The following CCNE2 variants were observed in gnomAD, a reference collection of about 807,000 sequenced individuals.
CCNE2 encodes cyclin E2.
CCNE2 carries 18 observed loss-of-function variants against 56.8 expected under a neutral mutation model. The observed-to-expected ratio is 0.32, with a 90% CI of 0.22 to 0.47. The LOEUF is 0.47. Among genes scored for constraint, CCNE2 ranks in the 20% least tolerant of loss-of-function variants. The pLI is 1.00. For synonymous variants in CCNE2, 139 were observed against 149.2 expected, an observed-to-expected ratio of 0.93 and a Z score of 0.50; for missense variants, 371 against 467.1, an observed-to-expected ratio of 0.79 and a Z score of 1.90.
chr8:94,894,189 C>T lies in CCNE2; in HGVS notation c.14+19G>A, dbSNP rs777065387. On this transcript the variant is annotated intron_variant, in intron 2 of 11. Coordinates refer to ENST00000308108, the MANE Select transcript of CCNE2 (RefSeq NM_057749.3). ...GCAGCAACTAATTTGAAACATGTCT[C>T]TAAGACAGATAATGTTACCTTCGTC... 5 of 1,613,940 alleles carry T rather than the reference C, an allele frequency of 3.1e-6. No individual in the cohort carries two copies. The African/African-American group carries it at 4.0e-5, about 13-fold the overall frequency.
rs552132481 is a variant in CCNE2, at chr8:94,890,131, C to G, written c.453+284G>C. The stretch of plus-strand genomic sequence containing the variant: ...AACCTAATCAACTATACATTCCATT[C>G]ACCTTGAGTATCTGTGGCACCCAGA... On this transcript the variant is annotated intron_variant, in intron 6 of 11. Coordinates refer to ENST00000308108, the MANE Select transcript of CCNE2 (RefSeq NM_057749.3). 3.9e-5 allele frequency among the ~76,000 whole-genome samples: 6 copies of G among 152,304 alleles called. No individual in the cohort carries two copies. In the East Asian group the frequency reaches 9.6e-4, roughly 24 times the overall value.
chr8:94,882,951 T>C lies in CCNE2; in HGVS notation c.832-59A>G, dbSNP rs1006603307. The C allele has an allele frequency of 7.8e-6, 9 of 1,148,978 alleles. No individual in the cohort carries two copies. In the African/African-American group the frequency reaches 1.1e-4, roughly 14 times the overall value. The allele number at this position is 1,148,978 out of a possible 1,614,324, so 71.2% of individuals were successfully genotyped here. A position where few individuals can be genotyped will look rare whatever the true frequency, so the allele number is the denominator to read the frequency against. On this transcript the variant is annotated intron_variant, in intron 9 of 11. Transcript: ENST00000308108. Reference sequence around the variant, plus strand: ...GAGAAAGATGAGTACTAAATGTCTCTTGCTAAAACCTTAGGGATCTAGAGA... The same window carrying C: ...GAGAAAGATGAGTACTAAATGTCTCCTGCTAAAACCTTAGGGATCTAGAGA...
In CCNE2 at chr8:94,880,345, T is replaced by C; in HGVS notation, c.*1287A>G. 2 of 574,218 alleles carry C rather than the reference T, an allele frequency of 3.5e-6. No homozygotes were observed. The highest frequency in any genetic ancestry group is 5.2e-5 in the South Asian group (2 of 38,266). 35.6% of individuals were successfully genotyped at this position (574,218 alleles called of 1,614,324 possible). ...GTACACAATTAGTGGTGTTTTCTTT[T>C]CAGACAAAATACTGAAACAAATATT... On this transcript the variant is annotated 3_prime_UTR_variant, in exon 12 of 12. Transcript: ENST00000308108.
Position 94,881,504 on chromosome 8 carries a change from G to C in CCNE2, c.*128C>G. ...AATTGTAAGTTTTAAAATCAGAATG[G>C]CAGTGTAACTTGTGAATTGGCTAGG... On this transcript the variant is annotated 3_prime_UTR_variant, in exon 12 of 12. Coordinates refer to ENST00000308108, the MANE Select transcript of CCNE2 (RefSeq NM_057749.3). The C allele has an allele frequency of 2.6e-6, 2 of 781,796 alleles. No homozygotes were observed. Among genetic ancestry groups the C allele is most frequent in the Non-Finnish European group, 4.1e-6 (2 of 491,308 alleles). 48.4% of individuals were successfully genotyped at this position (781,796 alleles called of 1,614,324 possible). A position where few individuals can be genotyped will look rare whatever the true frequency, so the allele number is the denominator to read the frequency against.
chr8:94,880,660 G>A lies in CCNE2; in HGVS notation c.*972C>T. ...AAGAAAATAGAAGTTTAGGTCAAGT[G>A]TTAAGCTTTATCACTTTGACACTGT... is the stretch of plus-strand genomic sequence containing the variant. On this transcript the variant is annotated 3_prime_UTR_variant, in exon 12 of 12. Coordinates refer to ENST00000308108, the MANE Select transcript of CCNE2 (RefSeq NM_057749.3). 1 of 390,752 alleles carries A rather than the reference G, an allele frequency of 2.6e-6. No individual in the cohort carries two copies. Among genetic ancestry groups the A allele is most frequent in the South Asian group, 1.4e-4 (1 of 6,958 alleles). 24.2% of individuals were successfully genotyped at this position (390,752 alleles called of 1,614,324 possible). A position where few individuals can be genotyped will look rare whatever the true frequency, so the allele number is the denominator to read the frequency against.
intron 6 of CCNE2, 45 bp from the exon 7 acceptor site, chr8:94,888,118 C>A: frequency 7.3e-7 from 1 of 1,376,190 alleles, no homozygotes; most frequent in South Asian, 1.4e-5. Context: ...CTGAATTTCT[C>A]CAAATTAGAA....
chr8:94,894,052 T>C lies in CCNE2; in HGVS notation c.82A>G (p.Ile28Val). The change falls in exon 3 of 12, where the codon ATC becomes GTC. Residue 28 changes from isoleucine (I) to valine (V), a missense_variant. Transcript: ENST00000308108. The stretch of plus-strand genomic sequence containing the variant: ...GTAGTTTTCCTCTTCTTGGCCTGGA[T>C]TATCTGGGCTTCTTGGGGGGATTCC... ...QTESPQEAQI[I>V]QAKKRKTTQD... 1 of 1,613,796 alleles carries C rather than the reference T, an allele frequency of 6.2e-7. No homozygotes were observed. The highest frequency in any genetic ancestry group is 8.5e-7 in the Non-Finnish European group (1 of 1,179,856).
Position 94,893,866 on chromosome 8 carries a change from C to T in CCNE2, c.165+25G>A, listed in dbSNP as rs186581687. On this transcript the variant is annotated intron_variant, in intron 4 of 11. Transcript: ENST00000308108. ...ATCTATCCTCCATTTTTCCCCCAAA[C>T]CCACCCAGCCCAGTTCTGCATTACC... The T allele has an allele frequency of 2.5e-4, 311 of 1,238,598 alleles. No homozygotes were observed. In the African/African-American group the frequency reaches 3.5e-3, roughly 14 times the overall value. 76.7% of individuals were successfully genotyped at this position (1,238,598 alleles called of 1,614,324 possible).
chr8:94,896,313 G>T, upstream of CCNE2: 1 of 147,662 alleles, frequency 6.8e-6, no homozygotes, highest in South Asian at 1.9e-4. Flanking sequence ...CGCGCGAGCC[G>T]GCAGCGCGGG....
At position 94,893,938 on chromosome 8, in the gene CCNE2, T is replaced by G. The variant is rs745748458; in HGVS notation, c.118A>C (p.Lys40Gln). 6.2e-7 allele frequency: 1 copy of G among 1,614,176 alleles called. No homozygotes were observed. The highest frequency in any genetic ancestry group is 8.5e-7 in the Non-Finnish European group (1 of 1,180,018). ...TTGGTGACCTCCTCTCTTCTTTTTTTGACATCCTGGAAAATAGAAAAGACC... is the reference window on the plus strand; with the variant it reads ...TTGGTGACCTCCTCTCTTCTTTTTTGGACATCCTGGAAAATAGAAAAGACC... ...AKKRKTTQDV[K>Q]KRREEVTKKH... Residue 40 changes from lysine (K) to glutamine (Q), a missense_variant, in exon 4 of 12, where the codon AAA becomes CAA. Coordinates refer to ENST00000308108, the MANE Select transcript of CCNE2 (RefSeq NM_057749.3).
At chr8:94,893,861 C>T in intron 4 of CCNE2, 30 bp downstream of exon 4, 1 of 1,596,642 alleles carries the variant, frequency 6.3e-7, no homozygotes, top group Non-Finnish European at 8.6e-7. Flanking sequence ...CATTTTTCCC[C>T]CAAACCCACC....
chr8:94,896,254 G>T (rs1446210210), upstream of CCNE2, among the ~76,000 whole-genome samples: 6 of 148,028 alleles, frequency 4.1e-5, no homozygotes, highest in Non-Finnish European at 9.1e-5. Context: ...CCCCGGGCCC[G>T]CCTGCCGCGC....
chr8:94,892,174 G>A (rs1452665268), intron 5 of CCNE2: 2 of 475,040 alleles, frequency 4.2e-6, no homozygotes, highest in Admixed American at 5.1e-5. Context: ...ATACAAAAAA[G>A]TTAAACACAT....
intron 6 of CCNE2, 147 bp downstream of exon 6, chr8:94,890,268 G>C (rs1255253479): frequency 9.0e-6 from 5 of 558,316 alleles, no homozygotes. Flanking sequence ...TTCCACTTTG[G>C]GTGCAATCAA....
intron 7 of CCNE2, 149 bp downstream of exon 7, chr8:94,887,778 G>T: frequency 2.0e-6 from 1 of 487,850 alleles, no homozygotes; most frequent in Non-Finnish European, 3.6e-6. Context: ...ATTCATCCCT[G>T]TGGTAATGTT....
chr8:94,885,938 C>G (rs571981643), intron 7 of CCNE2, among the ~76,000 whole-genome samples: 1 of 152,110 alleles, frequency 6.6e-6, no homozygotes, highest in African/African-American at 2.4e-5. Flanking sequence ...AGATTGGTCT[C>G]AAACTCCTGA....
intron 9 of CCNE2, 33 bp from the exon 10 acceptor site, chr8:94,882,925 GGA>G (rs751523851): frequency 7.4e-7 from 1 of 1,353,618 alleles, no homozygotes; most frequent in South Asian, 1.2e-5. Context: ...AAGCAATTTA[GGA>G]GAAAGATGAG....
chr8:94,896,330 C>G (rs1302257438), upstream of CCNE2: 1 of 150,210 alleles, frequency 6.7e-6, no homozygotes, highest in Admixed American at 6.7e-5. Context: ...CGGGAGGGCG[C>G]CGTTCGCGCC....
rs1817294244 is a variant in CCNE2 at position 94,892,825 on chromosome 8, C to A, written c.310G>T (p.Asp104Tyr). 16 of 1,397,396 alleles carry A rather than the reference C, an allele frequency of 1.1e-5. No individual in the cohort carries two copies. The highest frequency in any genetic ancestry group is 1.5e-5 in the African/African-American group (1 of 66,868). 86.6% of individuals were successfully genotyped at this position (1,397,396 alleles called of 1,614,324 possible). ...NLFINPSPLPDLSWGCSKEVW... is the reference protein window; with the variant it reads ...NLFINPSPLPYLSWGCSKEVW... ...TACTGAAATTTTTCTTACCTTAAATCAGGCAAAGGTGAAGGATTAATAAAA... is the reference window on the plus strand; with the variant it reads ...TACTGAAATTTTTCTTACCTTAAATAAGGCAAAGGTGAAGGATTAATAAAA... Residue 104 changes from aspartate (D) to tyrosine (Y), a missense_variant, in exon 5 of 12, where the codon GAT becomes TAT. Physicochemically the swap from Asp to Tyr is radical, Grantham distance 160. Transcript: ENST00000308108.
Sources: allele counts gnomAD v4.1 joint callset (sites outside exome capture counted in the v4.1 genomes callset), GRCh38; gene constraint gnomAD v4.1.1; transcripts MANE v1.5; gene names NCBI Gene and HGNC (gene_info 2026-07-23, HGNC 2026-07-21).